NXPE3: variants seen among roughly 807,000 people sequenced by gnomAD.
NXPE3 encodes the protein neurexophilin and PC-esterase domain family member 3.
A neutral mutation model predicts 46.1 loss-of-function variants in NXPE3; 26 were observed. The ratio of observed to expected loss-of-function variants is 0.56; its 90% CI spans 0.41 to 0.78. The LOEUF is 0.78. Among genes scored for constraint, NXPE3 ranks in the 30% least tolerant of loss-of-function variants. The pLI is 0.00. For missense variants in NXPE3, 620 were observed against 686.0 expected (o/e 0.90, Z 1.07); for synonymous variants, 272 against 257.9 (o/e 1.05, Z -0.52).
chr3:101,794,506 A>G (rs1940709880), intron 4 of NXPE3, among the ~76,000 whole-genome samples: 1 of 152,174 alleles, frequency 6.6e-6, no homozygotes, highest in South Asian at 2.1e-4. Flanking sequence ...ACTTGAAATA[A>G]TGGTTTTCTA....
chr3:101,783,832 C>T (rs1164444133), intron 3 of NXPE3, among the ~76,000 whole-genome samples: 1 of 152,136 alleles, frequency 6.6e-6, no homozygotes, highest in Admixed American at 6.5e-5. Context: ...ACCCTGATGA[C>T]AGAGTTATCC....
At position 101,827,137 on chromosome 3, in the gene NXPE3, C is replaced by T. The variant is rs1016504956; in HGVS notation, c.*5183C>T. Reference sequence around the variant, plus strand: ...TTAATATTCTGGTTAAATGAGAGGCCATCGGGCCTCTTTTTAAGAGTCTAA... The same window carrying T: ...TTAATATTCTGGTTAAATGAGAGGCTATCGGGCCTCTTTTTAAGAGTCTAA... On this transcript the variant is annotated 3_prime_UTR_variant, in exon 8 of 8. Transcript: ENST00000273347. 1 of 151,916 alleles carries T rather than the reference C, an allele frequency of 6.6e-6. No individual in the cohort carries two copies. Among genetic ancestry groups the T allele is most frequent in the African/African-American group, 2.4e-5 (1 of 41,324 alleles). 9.4% of individuals were successfully genotyped at this position (151,916 alleles called of 1,614,324 possible).
intron 5 of NXPE3, among the ~76,000 whole-genome samples, chr3:101,806,053 C>T (rs968439743): frequency 1.3e-5 from 2 of 152,034 alleles, no homozygotes; most frequent in African/African-American, 4.8e-5. Flanking sequence ...ACACTTCCTT[C>T]ATTACTTGTT....
In NXPE3 at chr3:101,824,417, G is replaced by A. The variant is rs1256230499; in HGVS notation, c.*2463G>A. ...TCCATATCTCTTTTCAGCTAAACTT[G>A]TGAGACTTTCGTAAAGAAGCGTTTG... is the stretch of plus-strand genomic sequence containing the variant. On this transcript the variant is annotated 3_prime_UTR_variant, in exon 8 of 8. Transcript: ENST00000273347. 6.6e-6 allele frequency: 1 copy of A among 151,900 alleles called. No homozygotes were observed. Among genetic ancestry groups the A allele is most frequent in the Non-Finnish European group, 1.5e-5 (1 of 68,052 alleles). 9.4% of individuals were successfully genotyped at this position (151,900 alleles called of 1,614,324 possible). A position where few individuals can be genotyped will look rare whatever the true frequency, so the allele number is the denominator to read the frequency against.
chr3:101,801,284 A>G lies in NXPE3; in HGVS notation c.143A>G (p.Gln48Arg). The change falls in exon 5 of 8, where the codon CAG becomes CGG. Residue 48 changes from glutamine (Q) to arginine (R), a missense_variant. Physicochemically the swap from Gln to Arg is conservative, Grantham distance 43 (BLOSUM62 1). Transcript: ENST00000273347. ...GCCACTTTCATCGACAGCAGTGGAC[A>G]GTTTGTTTCCTCCCAGGTGACAGGA... ...VSATFIDSSGQFVSSQVTGIS... is the reference protein window; with the variant it reads ...VSATFIDSSGRFVSSQVTGIS... 1.2e-6 allele frequency: 2 copies of G among 1,614,060 alleles called. No individual in the cohort carries two copies. The highest frequency in any genetic ancestry group is 1.7e-6 in the Non-Finnish European group (2 of 1,179,952).
In NXPE3 at chr3:101,828,229, T is replaced by C. The variant is rs950948341; in HGVS notation, c.*6275T>C. ...TATTTTATTAAAATATCTTAAATGG[T>C]AAGATTTTTTTTTTCTTTTTCTTTC... On this transcript the variant is annotated 3_prime_UTR_variant, in exon 8 of 8. Transcript: ENST00000273347. 34 of 152,194 alleles carry C rather than the reference T, an allele frequency of 2.2e-4. No homozygotes were observed. Among genetic ancestry groups the C allele is most frequent in the African/African-American group, 8.0e-4 (33 of 41,432 alleles). The allele number at this position is 152,194 out of a possible 1,614,324, so 9.4% of individuals were successfully genotyped here.
rs56059573 is a variant in NXPE3 at position 101,798,603 on chromosome 3, T to TATATA, written c.94-2632_94-2631insATATA. On this transcript the variant is annotated intron_variant, in intron 4 of 7. Coordinates refer to ENST00000273347, the MANE Select transcript of NXPE3 (RefSeq NM_145037.4). ...ATGTGTGTCTATATATATATATATA[T>TATATA]TTTTTTTTTTTTTCTTTTAAAGTTT... Among the ~76,000 whole-genome samples the TATATA allele has an allele frequency of 2.8e-3, 345 of 124,806 alleles. 2 individuals carry two copies. The highest frequency in any genetic ancestry group is 9.1e-3 in the African/African-American group (306 of 33,492). The allele number at this position is 124,806 out of a possible 152,430, so 81.9% of individuals were successfully genotyped here. A position where few individuals can be genotyped will look rare whatever the true frequency, so the allele number is the denominator to read the frequency against.
At chr3:101,791,193 G>A (rs539816247) in intron 4 of NXPE3, among the ~76,000 whole-genome samples, 4 of 152,138 alleles carry the variant, frequency 2.6e-5, no homozygotes, top group South Asian at 2.1e-4. Context: ...AGTACATGCC[G>A]TATTTGGTTT....
intron 6 of NXPE3, among the ~76,000 whole-genome samples, chr3:101,807,885 T>C (rs891910266): frequency 1.3e-5 from 2 of 152,184 alleles, no homozygotes; most frequent in African/African-American, 2.4e-5. Context: ...TCTAGAGATA[T>C]GGGTAAAATT....
At chr3:101,791,447 A>T (rs1940512361) in intron 4 of NXPE3, among the ~76,000 whole-genome samples, 3 of 152,146 alleles carry the variant, frequency 2.0e-5, no homozygotes, top group Admixed American at 2.0e-4. Flanking sequence ...GTGCAATGGC[A>T]CGATCTCTGC....
At chr3:101,792,323 A>G (rs941530563) in intron 4 of NXPE3, among the ~76,000 whole-genome samples, 4 of 152,152 alleles carry the variant, frequency 2.6e-5, no homozygotes, top group African/African-American at 9.7e-5. Flanking sequence ...TGTTTTTGTC[A>G]TGAAATCTTT....
chr3:101,793,135 A>G (rs2107267471), intron 4 of NXPE3, among the ~76,000 whole-genome samples: 1 of 152,328 alleles, frequency 6.6e-6, no homozygotes, highest in Non-Finnish European at 1.5e-5. Flanking sequence ...ACTTTGCTGA[A>G]GTTGTTTATT....
chr3:101,791,879 A>G (rs1486264608), intron 4 of NXPE3, among the ~76,000 whole-genome samples: 3 of 152,214 alleles, frequency 2.0e-5, no homozygotes, highest in African/African-American at 4.8e-5. Context: ...GCTTTCCACA[A>G]TCGTTGAACT....
chr3:101,802,138 AC>A (rs1941196029), intron 5 of NXPE3, 149 bp downstream of exon 5: 2 of 674,856 alleles, frequency 3.0e-6, no homozygotes, highest in Non-Finnish European at 4.7e-6. Context: ...AAAAAAAAAA[AC>A]ATAGATTTGT....
chr3:101,808,242 T>A lies in NXPE3; in HGVS notation c.922+1116T>A, dbSNP rs550738597. On this transcript the variant is annotated intron_variant, in intron 6 of 7. Transcript: ENST00000273347. ...AAATGTAAATTTTGCAGAATAGATA[T>A]AATTAGCTATCGTGATTTTTAGAAA... 1.2e-4 allele frequency among the ~76,000 whole-genome samples: 19 copies of A among 152,344 alleles called. No homozygotes were observed. In the South Asian group the frequency reaches 3.9e-3, roughly 32 times the overall value.
intron 1 of NXPE3, 89 bp downstream of exon 1, chr3:101,779,413 T>C (rs1003147637): frequency 6.5e-6 from 1 of 152,900 alleles, no homozygotes; most frequent in African/African-American, 2.4e-5. Context: ...AGCGCGCTCC[T>C]AGACTGCGAA....
At chr3:101,813,180 A>T (rs1289157252) in intron 6 of NXPE3, among the ~76,000 whole-genome samples, 1 of 152,122 alleles carries the variant, frequency 6.6e-6, no homozygotes, top group African/African-American at 2.4e-5. Context: ...TCCTATGCTC[A>T]TGGCAGTCTC....
At position 101,826,350 on chromosome 3, in the gene NXPE3, TTA is replaced by T. The variant is rs1263224415; in HGVS notation, c.*4398_*4399del. The T allele has an allele frequency of 2.0e-5, 3 of 152,152 alleles. No homozygotes were observed. Among genetic ancestry groups the T allele is most frequent in the African/African-American group, 7.2e-5 (3 of 41,424 alleles). The allele number at this position is 152,152 out of a possible 1,614,324, so 9.4% of individuals were successfully genotyped here. On this transcript the variant is annotated 3_prime_UTR_variant, in exon 8 of 8. Coordinates refer to ENST00000273347, the MANE Select transcript of NXPE3 (RefSeq NM_145037.4). ...CAACTTTCTAAAAAACTGCTCAGCA[TTA>T]TCTCTGTGGATTCTGGGTAAATTCA...
intron 5 of NXPE3, among the ~76,000 whole-genome samples, chr3:101,806,560 T>G (rs1344866997): frequency 2.0e-5 from 3 of 152,148 alleles, no homozygotes; most frequent in Non-Finnish European, 2.9e-5. Flanking sequence ...GAACAGACAC[T>G]AAAGAGTCCT....
Sources: gnomAD v4.1 joint callset for allele counts (sites outside exome capture counted in the v4.1 genomes callset) on GRCh38, gnomAD v4.1.1 for gene constraint, MANE v1.5 for transcripts, NCBI Gene and HGNC (gene_info 2026-07-23, HGNC 2026-07-21) for gene names.